Variants in PACSIN2 observed in about 807,000 individuals in gnomAD.
PACSIN2 encodes protein kinase C and casein kinase substrate in neurons protein 2.
PACSIN2 carries 25 observed loss-of-function variants against 63.8 expected under a neutral mutation model. That is an observed-to-expected ratio of 0.39 (90% CI 0.29 to 0.55). The LOEUF (loss-of-function observed/expected upper bound fraction) is 0.55. Ranked by LOEUF, PACSIN2 falls within the 20% of genes least tolerant of loss-of-function variation. The pLI is 0.62. For synonymous variants in PACSIN2, 255 were observed against 256.2 expected (o/e 1.00, Z 0.05); for missense variants, 518 against 646.9 (o/e 0.80, Z 2.16).
At position 42,937,294 on chromosome 22, in the gene PACSIN2, C is replaced by G. The variant is rs1396389076; in HGVS notation, c.-77-25137G>C. Among the ~76,000 whole-genome samples the G allele has an allele frequency of 2.0e-5, 3 of 152,116 alleles. No homozygotes were observed. In the South Asian group the frequency reaches 6.2e-4, roughly 32 times the overall value. On this transcript the variant is annotated intron_variant, in intron 1 of 10. Transcript: ENST00000263246. ...AAGTAAGCCATATGGGCCCCCAGAG[C>G]ACAGGCAGCCCCAGCAAAAGGCAAG...
chr22:42,965,242 T>C (rs917996262), intron 1 of PACSIN2, among the ~76,000 whole-genome samples: 24 of 152,102 alleles, frequency 1.6e-4, no homozygotes, highest in African/African-American at 5.8e-4. Context: ...CAATCTACAG[T>C]GACAGATTAA....
intron 1 of PACSIN2, among the ~76,000 whole-genome samples, chr22:42,938,121 C>T (rs1193282245): frequency 6.6e-6 from 1 of 152,104 alleles, no homozygotes; most frequent in Non-Finnish European, 1.5e-5. Flanking sequence ...CTTTTTGAAA[C>T]AAACCAAGCA....
intron 1 of PACSIN2, among the ~76,000 whole-genome samples, chr22:42,944,253 G>A (rs935630109): frequency 1.3e-5 from 2 of 152,172 alleles, no homozygotes; most frequent in East Asian, 1.9e-4. Flanking sequence ...CAGATCAAGC[G>A]AGAAAGACAT....
chr22:42,890,918 G>A (rs200850739), intron 4 of PACSIN2, 29 bp downstream of exon 4: 110 of 1,572,412 alleles, frequency 7.0e-5, no homozygotes, highest in African/African-American at 5.9e-4. Context: ...GAGCAAGGCC[G>A]GGCAGGGAAG....
chr22:42,952,289 G>A (rs1933728237), intron 1 of PACSIN2, among the ~76,000 whole-genome samples: 2 of 152,070 alleles, frequency 1.3e-5, no homozygotes, highest in South Asian at 4.2e-4. Flanking sequence ...GTATCTTAAT[G>A]ACTCTCCTGT....
At position 42,890,982 on chromosome 22, in the gene PACSIN2, T is replaced by C. The variant is rs1929863444; in HGVS notation, c.418A>G (p.Lys140Glu). 6.2e-7 allele frequency: 1 copy of C among 1,614,056 alleles called. No homozygotes were observed. Among genetic ancestry groups the C allele is most frequent in the African/African-American group, 1.3e-5 (1 of 74,926 alleles). ...TTCTTGGCCCAGGGCTTCTGTGCCT[T>C]CCGAAAGCCGTCCTCAGCTTCCTTG... ...ETKEAEDGFR[K>E]AQKPWAKKLK... is the part of the protein sequence containing the mutation. Residue 140 changes from lysine (K) to glutamate (E), a missense_variant, in exon 4 of 11, where the codon AAG (lysine) becomes GAG (glutamate). Physicochemically the swap from Lys to Glu is moderately conservative, Grantham distance 56 (BLOSUM62 1). Coordinates refer to ENST00000263246, the MANE Select transcript of PACSIN2 (RefSeq NM_001184970.3).
intron 1 of PACSIN2, among the ~76,000 whole-genome samples, chr22:42,991,135 A>T (rs1923011009): frequency 6.6e-6 from 1 of 152,204 alleles, no homozygotes. Context: ...ATCAAAAAGC[A>T]GATGGAGACT....
rs1057053045 is a variant in PACSIN2 at position 42,884,198 on chromosome 22, G to A, written c.785+188C>T. ...GGTCCAGCCGGCCATGCCTGCAGCT[G>A]CAGAAACACTCAGCAGAGGGGCCCT... On this transcript the variant is annotated intron_variant, in intron 6 of 10. Coordinates refer to ENST00000263246, the MANE Select transcript of PACSIN2 (RefSeq NM_001184970.3). Among the ~76,000 whole-genome samples the A allele has an allele frequency of 2.2e-4, 33 of 152,270 alleles. 1 individual carries two copies. The highest frequency in any genetic ancestry group is 7.9e-4 in the African/African-American group (33 of 41,548).
intron 3 of PACSIN2, among the ~76,000 whole-genome samples, chr22:42,891,797 A>C (rs1929934290): frequency 6.6e-6 from 1 of 152,226 alleles, no homozygotes; most frequent in African/African-American, 2.4e-5. Flanking sequence ...TGGCCAGAGA[A>C]GGGGGGACCT....
chr22:42,979,682 T>G (rs1195243152), intron 1 of PACSIN2, among the ~76,000 whole-genome samples: 1 of 152,190 alleles, frequency 6.6e-6, no homozygotes, highest in Non-Finnish European at 1.5e-5. Flanking sequence ...TGGGAGTATA[T>G]GCTCTGTCTT....
At chr22:42,889,270 C>T (rs930305305) in intron 4 of PACSIN2, among the ~76,000 whole-genome samples, 10 of 151,686 alleles carry the variant, frequency 6.6e-5, no homozygotes, top group Non-Finnish European at 1.0e-4. Context: ...GCCGCAGGAT[C>T]GGCAAATACA....
intron 2 of PACSIN2, among the ~76,000 whole-genome samples, chr22:42,895,744 G>A (rs1036976892): frequency 6.6e-6 from 1 of 152,236 alleles, no homozygotes; most frequent in African/African-American, 2.4e-5. Context: ...GCCTGTGCTG[G>A]TCCTGTGACC....
chr22:42,893,088 G>C (rs1930027545), intron 3 of PACSIN2, among the ~76,000 whole-genome samples: 1 of 152,314 alleles, frequency 6.6e-6, no homozygotes, highest in East Asian at 1.9e-4. Context: ...CTGCTACATG[G>C]CCAAGTTTAA....
intron 1 of PACSIN2, among the ~76,000 whole-genome samples, chr22:43,004,018 C>T (rs1923934289): frequency 6.6e-6 from 1 of 152,210 alleles, no homozygotes; most frequent in Non-Finnish European, 1.5e-5. Flanking sequence ...AAGCAAAGGA[C>T]ACACATAATC....
intron 1 of PACSIN2, among the ~76,000 whole-genome samples, chr22:42,940,692 T>A (rs1215935536): frequency 2.0e-5 from 3 of 152,114 alleles, no homozygotes; most frequent in Non-Finnish European, 4.4e-5. Context: ...CACCACCTCC[T>A]CCCCTACCTT....
At chr22:42,895,427 C>T (rs1005763701) in intron 2 of PACSIN2, among the ~76,000 whole-genome samples, 2 of 152,202 alleles carry the variant, frequency 1.3e-5, no homozygotes, top group African/African-American at 2.4e-5. Flanking sequence ...TGGTTTTCAT[C>T]TGCCTATTAC....
At chr22:42,955,861 C>A (rs926670743) in intron 1 of PACSIN2, among the ~76,000 whole-genome samples, 1 of 152,104 alleles carries the variant, frequency 6.6e-6, no homozygotes, top group African/African-American at 2.4e-5. Context: ...GCTATTTTTT[C>A]TTCATGTGTC....
intron 1 of PACSIN2, among the ~76,000 whole-genome samples, chr22:42,913,480 CAAA>C (rs138842796): frequency 0.37 from 34,373 of 92,184 alleles, 5,286 homozygotes; most frequent in Non-Finnish European, 0.46. Context: ...ACTCCGTCTC[CAAA>C]AAAAAAAAAA....
At chr22:42,909,978 C>T (rs1398942522) in intron 2 of PACSIN2, among the ~76,000 whole-genome samples, 1 of 152,124 alleles carries the variant, frequency 6.6e-6, no homozygotes, top group East Asian at 1.9e-4. Context: ...AAACACTTAA[C>T]GTTTATTCAT....
Sources: gnomAD v4.1 joint callset for allele counts (sites outside exome capture counted in the v4.1 genomes callset) on GRCh38, gnomAD v4.1.1 for gene constraint, MANE v1.5 for transcripts, NCBI Gene and HGNC (gene_info 2026-07-23, HGNC 2026-07-21) for gene names.